Variants in CCDC171 observed in about 807,000 individuals in gnomAD.
CCDC171 encodes the protein coiled-coil domain containing 171.
A neutral mutation model predicts 168.2 loss-of-function variants in CCDC171; 177 were observed. The observed-to-expected ratio is 1.05, with a 90% confidence interval of 0.93 to 1.19. The LOEUF (loss-of-function observed/expected upper bound fraction) is 1.19. Ranked by LOEUF, CCDC171 falls within the 50% of genes most tolerant of loss-of-function variation. CCDC171 has a pLI of 0.00. For missense variants in CCDC171, 1,991 were observed against 1,539.0 expected, an observed-to-expected ratio of 1.29 and a Z score of -4.91; for synonymous variants, 687 against 540.8, an observed-to-expected ratio of 1.27 and a Z score of -3.75.
chr9:15,744,309 T>C lies in CCDC171; in HGVS notation c.2086T>C (p.Leu696=), dbSNP rs780694631. The change falls in exon 17 of 26, where the codon TTG becomes CTG. Residue 696 remains leucine (L), a synonymous_variant. Coordinates refer to ENST00000380701, the MANE Select transcript of CCDC171 (RefSeq NM_173550.4). ...AATTGCTGAAAAAAACATGGAAAAA[T>C]TGAACCATATTGAGAAGTCACATGA... ...QEIAEKNMEK[L]NHIEKSHEQL... is the part of the protein sequence containing the mutation. 3 of 1,587,872 alleles carry C rather than the reference T, an allele frequency of 1.9e-6. No homozygotes were observed. The highest frequency in any genetic ancestry group is 1.9e-5 in the Admixed American group (1 of 52,742).
chr9:15,934,094 T>TA (rs1826830003), intron 25 of CCDC171, among the ~76,000 whole-genome samples: 1 of 151,756 alleles, frequency 6.6e-6, no homozygotes, highest in Admixed American at 6.6e-5. Flanking sequence ...ATCTAATTTT[T>TA]AAAAAATCAC....
At chr9:15,967,212 A>T (rs1380542303) in intron 25 of CCDC171, among the ~76,000 whole-genome samples, 10 of 152,150 alleles carry the variant, frequency 6.6e-5, no homozygotes. Flanking sequence ...TTAGGAACCA[A>T]AGTAGAAATG....
intron 3 of CCDC171, among the ~76,000 whole-genome samples, chr9:16,010,111 T>A (rs1384599828): frequency 6.6e-6 from 1 of 152,142 alleles, no homozygotes. Context: ...CAAGAAATTG[T>A]TGAATTAAGT....
At chr9:15,658,169 AG>A (rs2048075131) in intron 8 of CCDC171, among the ~76,000 whole-genome samples, 1 of 152,188 alleles carries the variant, frequency 6.6e-6, no homozygotes, top group South Asian at 2.1e-4. Context: ...TGCAGTGTTG[AG>A]TGGTAGAGCT....
At chr9:15,673,513 A>G (rs947391809) in intron 9 of CCDC171, among the ~76,000 whole-genome samples, 7 of 152,126 alleles carry the variant, frequency 4.6e-5, no homozygotes, top group African/African-American at 1.7e-4. Context: ...TTATTTTGAG[A>G]TACGTTCCAT....
chr9:15,966,616 T>C (rs1318601582), intron 25 of CCDC171, among the ~76,000 whole-genome samples: 2 of 152,238 alleles, frequency 1.3e-5, no homozygotes, highest in South Asian at 4.1e-4. Context: ...GATTTGTTTC[T>C]ACCTGTATGG....
chr9:15,885,550 A>G (rs1291229649), intron 24 of CCDC171: 1 of 152,230 alleles, frequency 6.6e-6, no homozygotes, highest in Non-Finnish European at 1.5e-5. Flanking sequence ...TGGACTGCCT[A>G]GGTGAAGACC....
chr9:15,555,102 A>G (rs1243907413), intron 1 of CCDC171, among the ~76,000 whole-genome samples: 1 of 152,166 alleles, frequency 6.6e-6, no homozygotes, highest in Non-Finnish European at 1.5e-5. Context: ...AATCTAAAGT[A>G]GATTCGCCTT....
At chr9:15,804,205 A>G (rs1040003650) in intron 21 of CCDC171, among the ~76,000 whole-genome samples, 1 of 151,930 alleles carries the variant, frequency 6.6e-6, no homozygotes, top group East Asian at 1.9e-4. Context: ...CTCTCTTTCT[A>G]TTTCCATACT....
At chr9:15,789,785 T>C (rs2058156060) in intron 21 of CCDC171, among the ~76,000 whole-genome samples, 1 of 128,344 alleles carries the variant, frequency 7.8e-6, no homozygotes, top group Non-Finnish European at 1.6e-5. Context: ...CGGTGTGTGA[T>C]GTTCCCCTTC....
At position 15,655,179 on chromosome 9, in the gene CCDC171, TAA is replaced by T. The variant is rs59228759; in HGVS notation, c.823-1937_823-1936del. On this transcript the variant is annotated intron_variant, in intron 7 of 25. Coordinates refer to ENST00000380701, the MANE Select transcript of CCDC171 (RefSeq NM_173550.4). ...CACATGCACCCTCAAACTTAAAGTATAAAAAAAAAAAACTTGGCTTAGGGTAA... is the reference window on the plus strand; with the variant it reads ...CACATGCACCCTCAAACTTAAAGTATAAAAAAAAAACTTGGCTTAGGGTAA... Among the ~76,000 whole-genome samples the T allele has an allele frequency of 5.5e-3, 825 of 149,560 alleles. 6 individuals are homozygous for T. The highest frequency in any genetic ancestry group is 0.018 in the African/African-American group (732 of 41,002).
chr9:16,065,174 A>G (rs1833977858), downstream of CCDC171, among the ~76,000 whole-genome samples: 1 of 152,212 alleles, frequency 6.6e-6, no homozygotes, highest in Non-Finnish European at 1.5e-5. Context: ...TAAAATTTTC[A>G]TAAGGGAACC....
At chr9:15,738,775 A>G (rs902644809) in intron 16 of CCDC171, among the ~76,000 whole-genome samples, 5 of 152,204 alleles carry the variant, frequency 3.3e-5, no homozygotes, top group Non-Finnish European at 5.9e-5. Flanking sequence ...GAATTCTGAC[A>G]TGTAGATAAG....
intron 1 of CCDC171, among the ~76,000 whole-genome samples, chr9:15,557,136 G>T (rs200963870): frequency 3.5e-4 from 53 of 152,010 alleles, no homozygotes; most frequent in African/African-American, 9.7e-4. Context: ...CTGTTTTGGT[G>T]ACTGTAGCCT....
intron 21 of CCDC171, among the ~76,000 whole-genome samples, chr9:15,800,503 TA>T (rs2058771048): frequency 6.6e-6 from 1 of 152,148 alleles, no homozygotes; most frequent in African/African-American, 2.4e-5. Flanking sequence ...TTGTATATTC[TA>T]GTTATTAATC....
intron 7 of CCDC171, among the ~76,000 whole-genome samples, chr9:15,636,476 C>T (rs572593341): frequency 1.3e-5 from 2 of 152,202 alleles, no homozygotes; most frequent in East Asian, 1.9e-4. Context: ...GGGCCAGGAG[C>T]TGTGGCTCAT....
chr9:15,721,328 G>GA (rs1176973572), intron 11 of CCDC171, among the ~76,000 whole-genome samples: 4 of 151,846 alleles, frequency 2.6e-5, no homozygotes, highest in Non-Finnish European at 5.9e-5. Context: ...TGACTAGTCA[G>GA]AAACACAAGG....
intron 6 of CCDC171, among the ~76,000 whole-genome samples, chr9:15,606,979 T>G (rs2043275503): frequency 6.6e-6 from 1 of 152,202 alleles, no homozygotes. Flanking sequence ...AACAAAAATT[T>G]TAAAGTTACA....
intron 25 of CCDC171, among the ~76,000 whole-genome samples, chr9:15,928,117 C>T (rs1317785721): frequency 6.6e-6 from 1 of 151,654 alleles, no homozygotes; most frequent in Admixed American, 6.6e-5. Flanking sequence ...CTGTCAGGTG[C>T]TTTCCGATGA....
Sources: allele counts gnomAD v4.1 joint callset (sites outside exome capture counted in the v4.1 genomes callset), GRCh38; gene constraint gnomAD v4.1.1; transcripts MANE v1.5; gene names NCBI Gene and HGNC (gene_info 2026-07-23, HGNC 2026-07-21).